The following AGAP1 variants were observed in gnomAD, a reference collection of about 807,000 sequenced individuals.
AGAP1 encodes the protein ArfGAP with GTPase domain, ankyrin repeat and PH domain 1.
Under a neutral mutation model 105.3 loss-of-function variants are expected in AGAP1, and 29 were observed. That is an observed-to-expected ratio of 0.28 (90% CI 0.21 to 0.38). The LOEUF is 0.38. Among genes scored for constraint, AGAP1 ranks in the 10% least tolerant of loss-of-function variants. The pLI is 1.00. For synonymous variants in AGAP1, 509 were observed against 485.9 expected (o/e 1.05, Z -0.63); for missense variants, 998 against 1,165.1 (o/e 0.86, Z 2.09).
intron 9 of AGAP1, among the ~76,000 whole-genome samples, chr2:235,822,745 C>T (rs1217975133): frequency 6.6e-6 from 1 of 152,068 alleles, no homozygotes; most frequent in African/African-American, 2.4e-5. Flanking sequence ...CCTGAGTGAG[C>T]CCGAGCTGGG....
chr2:236,117,097 T>C (rs1412931569), intron 16 of AGAP1, among the ~76,000 whole-genome samples: 1 of 152,202 alleles, frequency 6.6e-6, no homozygotes, highest in Non-Finnish European at 1.5e-5. Flanking sequence ...TAATGACTTC[T>C]TTTCCTCTGA....
chr2:235,663,190 T>C lies in AGAP1; in HGVS notation c.164-45989T>C, dbSNP rs1018219150. Among the ~76,000 whole-genome samples the C allele has an allele frequency of 6.6e-6, 1 of 152,166 alleles. No homozygotes were observed. Among genetic ancestry groups the C allele is most frequent in the African/African-American group, 2.4e-5 (1 of 41,506 alleles). On this transcript the variant is annotated intron_variant, in intron 1 of 17. Coordinates refer to ENST00000304032, the MANE Select transcript of AGAP1 (RefSeq NM_001037131.3). This position sits in a 1 kb window ranked among gnomAD's most constrained non-coding sequence, Gnocchi z 5.4. ...TGGGCATGGTGGTGGGCGCCTGTGA[T>C]CCCATCTACTTGGGAGGCTGAGGCA... is the stretch of plus-strand genomic sequence containing the variant.
Position 235,687,899 on chromosome 2 carries a change from CT to C in AGAP1, c.164-21260del, listed in dbSNP as rs10670064. Among the ~76,000 whole-genome samples the C allele has an allele frequency of 1.4e-3, 124 of 89,650 alleles. 1 individual carries two copies. Among genetic ancestry groups the C allele is most frequent in the African/African-American group, 3.9e-3 (89 of 22,698 alleles). 58.8% of individuals were successfully genotyped at this position (89,650 alleles called of 152,430 possible). The stretch of plus-strand genomic sequence containing the variant: ...TTTCTTCTTAATCGCCGCTCTCTGA[CT>C]TTTTTTTTTTTTTTTTTTTGAGATG... On this transcript the variant is annotated intron_variant, in intron 1 of 17. Transcript: ENST00000304032.
At chr2:235,868,728 G>C (rs968491124) in intron 9 of AGAP1, among the ~76,000 whole-genome samples, 1 of 152,126 alleles carries the variant, frequency 6.6e-6, no homozygotes, top group Non-Finnish European at 1.5e-5. Flanking sequence ...TCACAGCTTG[G>C]GGCTGCAGCA....
intron 1 of AGAP1, among the ~76,000 whole-genome samples, chr2:235,607,814 C>T (rs1304148467): frequency 3.9e-5 from 6 of 152,134 alleles, no homozygotes; most frequent in Non-Finnish European, 5.9e-5. Context: ...GATTCCCAGG[C>T]CCCAAGTCAC....
chr2:235,863,003 C>T (rs1200753877), intron 9 of AGAP1, among the ~76,000 whole-genome samples: 2 of 152,210 alleles, frequency 1.3e-5, no homozygotes, highest in Non-Finnish European at 2.9e-5. Flanking sequence ...AATGTGGCTT[C>T]CCCTTTACTG....
At chr2:236,018,939 C>CTT in intron 13 of AGAP1, among the ~76,000 whole-genome samples, 1 of 152,320 alleles carries the variant, frequency 6.6e-6, no homozygotes. Flanking sequence ...AACAGCAAAC[C>CTT]TCCTCTTGGA....
chr2:235,926,338 C>T (rs1478251040), intron 11 of AGAP1, among the ~76,000 whole-genome samples: 1 of 152,186 alleles, frequency 6.6e-6, no homozygotes, highest in Non-Finnish European at 1.5e-5. Flanking sequence ...GGAAATGCCT[C>T]AAAACTGTGG....
chr2:235,804,265 C>T (rs1212805174), intron 8 of AGAP1, among the ~76,000 whole-genome samples: 1 of 152,160 alleles, frequency 6.6e-6, no homozygotes, highest in Non-Finnish European at 1.5e-5. Context: ...TGTCCATTTT[C>T]AAGCTTTATA....
chr2:235,969,587 C>T (rs2054556400), intron 13 of AGAP1, among the ~76,000 whole-genome samples: 1 of 152,128 alleles, frequency 6.6e-6, no homozygotes, highest in African/African-American at 2.4e-5. Context: ...AGATACTCTA[C>T]TTGATCGAGG....
intron 9 of AGAP1, among the ~76,000 whole-genome samples, chr2:235,833,198 G>A (rs1959658100): frequency 6.6e-6 from 1 of 152,226 alleles, no homozygotes; most frequent in South Asian, 2.1e-4. Context: ...CAGTGCTGTG[G>A]AAGCACCGTC....
chr2:235,602,961 C>A (rs925042009), intron 1 of AGAP1, among the ~76,000 whole-genome samples: 5 of 152,298 alleles, frequency 3.3e-5, no homozygotes, highest in South Asian at 2.1e-4. Context: ...ATCGGCCTCC[C>A]AAAGTGCTGG....
rs1282083507 is a variant in AGAP1 at position 235,927,861 on chromosome 2, G to C, written c.1325-2904G>C. On this transcript the variant is annotated intron_variant, in intron 11 of 17. Coordinates refer to ENST00000304032, the MANE Select transcript of AGAP1 (RefSeq NM_001037131.3). This position sits in a 1 kb window ranked among gnomAD's most constrained non-coding sequence, Gnocchi z 4.4. ...AAAGATGGAGGGACAGACAGACACA[G>C]TGAAATTCCTTTTTGTTTTTCAGGT... Among the ~76,000 whole-genome samples the C allele has an allele frequency of 2.0e-5, 3 of 152,232 alleles. No individual in the cohort carries two copies. The highest frequency in any genetic ancestry group is 2.0e-4 in the Admixed American group (3 of 15,286).
chr2:235,975,151 T>G (rs2054805139), intron 13 of AGAP1, among the ~76,000 whole-genome samples: 1 of 152,222 alleles, frequency 6.6e-6, no homozygotes, highest in Non-Finnish European at 1.5e-5. Context: ...CTTACAACTT[T>G]AAACACCAGT....
At chr2:235,538,305 AAG>A (rs1184278076) in intron 1 of AGAP1, among the ~76,000 whole-genome samples, 8 of 152,178 alleles carry the variant, frequency 5.3e-5, no homozygotes, top group African/African-American at 1.2e-4. Flanking sequence ...CTGAAGGAAA[AAG>A]AGCATCTTAT....
At chr2:235,817,469 A>C (rs1958522990) in intron 9 of AGAP1, among the ~76,000 whole-genome samples, 2 of 152,118 alleles carry the variant, frequency 1.3e-5, no homozygotes, top group Admixed American at 6.5e-5. Context: ...AAAGTAAAAG[A>C]ATTTACTTTT....
chr2:235,663,518 A>G lies in AGAP1; in HGVS notation c.164-45661A>G, dbSNP rs962992750. On this transcript the variant is annotated intron_variant, in intron 1 of 17. Coordinates refer to ENST00000304032, the MANE Select transcript of AGAP1 (RefSeq NM_001037131.3). The surrounding 1 kb of genome is among the most constrained non-coding windows in gnomAD (Gnocchi z 5.4). ...TCCCAAATGGGATGCAGAAGGGAGA[A>G]CTGTGTAAAATCACGCTCTTCCAGA... 6.6e-6 allele frequency among the ~76,000 whole-genome samples: 1 copy of G among 152,138 alleles called. No homozygotes were observed. Among genetic ancestry groups the G allele is most frequent in the African/African-American group, 2.4e-5 (1 of 41,424 alleles).
chr2:235,861,225 A>G (rs893098105), intron 9 of AGAP1, among the ~76,000 whole-genome samples: 1 of 152,188 alleles, frequency 6.6e-6, no homozygotes, highest in Non-Finnish European at 1.5e-5. Flanking sequence ...GTTTTTTTAA[A>G]TGTGATGAAT....
In AGAP1 at chr2:236,045,040, G is replaced by C. The variant is rs1230914094; in HGVS notation, c.1892-4019G>C. Among the ~76,000 whole-genome samples, 1 of 152,072 alleles carries C rather than the reference G, an allele frequency of 6.6e-6. No individual in the cohort carries two copies. Among genetic ancestry groups the C allele is most frequent in the Non-Finnish European group, 1.5e-5 (1 of 68,008 alleles). On this transcript the variant is annotated intron_variant, in intron 15 of 17. Coordinates refer to ENST00000304032, the MANE Select transcript of AGAP1 (RefSeq NM_001037131.3). The surrounding 1 kb of genome is among the most constrained non-coding windows in gnomAD (Gnocchi z 6.9). ...AGCAATCCTCCCACCTCAGACTCCT[G>C]AGCAGCTGTGACTACATGTGCGTGC...
Sources: allele counts gnomAD v4.1 joint callset (sites outside exome capture counted in the v4.1 genomes callset), GRCh38; gene constraint gnomAD v4.1.1; non-coding constraint Gnocchi (gnomAD v3.1); transcripts MANE v1.5; gene names NCBI Gene and HGNC (gene_info 2026-07-23, HGNC 2026-07-21).